The following TBCK variants were observed in gnomAD, a reference collection of about 807,000 sequenced individuals.
The protein encoded by TBCK is TBC1 domain containing kinase.
Under a neutral mutation model 113.4 loss-of-function variants are expected in TBCK, and 99 were observed. That is an observed-to-expected ratio of 0.87 (90% CI 0.74 to 1.03). TBCK has a LOEUF of 1.03. Ranked by LOEUF, TBCK falls within the 50% of genes least tolerant of loss-of-function variation. TBCK has a pLI of 0.00. For synonymous variants in TBCK, 369 were observed against 370.8 expected, an observed-to-expected ratio of 1.00 and a Z score of 0.05; for missense variants, 1,045 against 1,061.3, an observed-to-expected ratio of 0.98 and a Z score of 0.21.
At chr4:106,304,049 G>A (rs545285882) in intron 2 of TBCK, among the ~76,000 whole-genome samples, 1 of 152,212 alleles carries the variant, frequency 6.6e-6, no homozygotes, top group Admixed American at 6.5e-5. Flanking sequence ...TCCTCCCACA[G>A]CTTACTGAAT....
intron 20 of TBCK, among the ~76,000 whole-genome samples, chr4:106,196,666 G>A (rs540316065): frequency 6.6e-6 from 1 of 152,022 alleles, no homozygotes; most frequent in East Asian, 1.9e-4. Flanking sequence ...ATGGAAAAAG[G>A]AAAAAGTACA....
At position 106,194,654 on chromosome 4, in the gene TBCK, G is replaced by A; in HGVS notation, c.1897+64C>T. ...AATGTTATTGTAAATATAAAATATG[G>A]GGAGGCATCGGGCTGTCCTTTTGCT... is the stretch of plus-strand genomic sequence containing the variant. On this transcript the variant is annotated intron_variant, in intron 21 of 25. Coordinates refer to ENST00000394708, the MANE Select transcript of TBCK (RefSeq NM_001163435.3). 4.1e-6 allele frequency: 5 copies of A among 1,206,036 alleles called. No homozygotes were observed. The South Asian group carries it at 6.5e-5, about 16-fold the overall frequency. 74.7% of individuals were successfully genotyped at this position (1,206,036 alleles called of 1,614,324 possible). A position where few individuals can be genotyped will look rare whatever the true frequency, so the allele number is the denominator to read the frequency against.
At chr4:106,237,625 T>C (rs1318492845) in intron 12 of TBCK, 2 of 411,054 alleles carry the variant, frequency 4.9e-6, no homozygotes, top group East Asian at 7.4e-5. Flanking sequence ...CCCATGTGAG[T>C]TATTCCCAGA....
intron 1 of TBCK, among the ~76,000 whole-genome samples, chr4:106,313,309 GGGA>G (rs1033510590): frequency 1.3e-5 from 2 of 151,934 alleles, no homozygotes; most frequent in African/African-American, 4.8e-5. Flanking sequence ...AGGCTGAGGT[GGGA>G]GGATCACGTG....
chr4:106,139,517 C>A (rs1353035379), intron 23 of TBCK, among the ~76,000 whole-genome samples: 6 of 141,418 alleles, frequency 4.2e-5, no homozygotes, highest in Non-Finnish European at 8.0e-5. Context: ...TATTTTAACA[C>A]ACCACAAATC....
chr4:106,117,945 C>T (rs1743747758), intron 23 of TBCK, among the ~76,000 whole-genome samples: 1 of 150,764 alleles, frequency 6.6e-6, no homozygotes, highest in South Asian at 2.1e-4. Flanking sequence ...GGAGGCGGAG[C>T]TTGCAGTGAG....
chr4:106,273,107 G>A (rs905295301), intron 3 of TBCK, among the ~76,000 whole-genome samples: 1 of 152,146 alleles, frequency 6.6e-6, no homozygotes, highest in South Asian at 2.1e-4. Context: ...CAAACTTTGT[G>A]ACTAAATTAA....
chr4:106,070,844 A>C (rs1370507036), intron 25 of TBCK, among the ~76,000 whole-genome samples: 1 of 152,068 alleles, frequency 6.6e-6, no homozygotes, highest in Non-Finnish European at 1.5e-5. Context: ...CTGTTCAGGG[A>C]TTCAAGTTCT....
intron 19 of TBCK, among the ~76,000 whole-genome samples, chr4:106,218,424 G>A (rs1164551845): frequency 2.8e-4 from 42 of 148,158 alleles, no homozygotes; most frequent in African/African-American, 1.0e-3. Flanking sequence ...CCATCAGAGT[G>A]AACAGGCAAC....
chr4:106,234,470 G>T (rs769327243), intron 15 of TBCK, among the ~76,000 whole-genome samples: 1 of 151,994 alleles, frequency 6.6e-6, no homozygotes, highest in African/African-American at 2.4e-5. Context: ...TAGAGTCAGG[G>T]TCTAGTTCTA....
chr4:106,087,558 C>T (rs542035355), intron 25 of TBCK, among the ~76,000 whole-genome samples: 1 of 152,314 alleles, frequency 6.6e-6, no homozygotes, highest in South Asian at 2.1e-4. Context: ...CAGTGACATT[C>T]TTCACAGAAT....
intron 20 of TBCK, among the ~76,000 whole-genome samples, chr4:106,203,630 A>G (rs1392543777): frequency 2.0e-5 from 3 of 151,976 alleles, no homozygotes; most frequent in African/African-American, 7.2e-5. Flanking sequence ...ATATTGAACA[A>G]AAGAACTATA....
intron 22 of TBCK, among the ~76,000 whole-genome samples, chr4:106,187,799 T>C (rs1753195521): frequency 6.6e-6 from 1 of 152,204 alleles, no homozygotes; most frequent in South Asian, 2.1e-4. Context: ...TTAAGTAATG[T>C]ATTTTTTTAT....
intron 14 of TBCK, 118 bp downstream of exon 14, chr4:106,236,268 GAACA>G: frequency 1.5e-6 from 1 of 668,390 alleles, no homozygotes; most frequent in Non-Finnish European, 2.1e-6. Context: ...AAAGCTAACT[GAACA>G]AGATAGGTCA....
At chr4:106,221,928 A>G (rs1194355919) in intron 19 of TBCK, among the ~76,000 whole-genome samples, 1 of 152,116 alleles carries the variant, frequency 6.6e-6, no homozygotes, top group Non-Finnish European at 1.5e-5. Flanking sequence ...TGCAATTTAC[A>G]TATATAACAA....
At chr4:106,172,321 T>A (rs1427793736) in intron 22 of TBCK, among the ~76,000 whole-genome samples, 1 of 152,146 alleles carries the variant, frequency 6.6e-6, no homozygotes, top group Non-Finnish European at 1.5e-5. Flanking sequence ...GAAAGGTTAC[T>A]ACAACTCTAT....
At chr4:106,103,953 A>C (rs1279006867) in intron 24 of TBCK, among the ~76,000 whole-genome samples, 1 of 152,210 alleles carries the variant, frequency 6.6e-6, no homozygotes, top group African/African-American at 2.4e-5. Context: ...GAACGGCCCC[A>C]GAAAAACACA....
intron 20 of TBCK, among the ~76,000 whole-genome samples, chr4:106,206,911 G>C (rs1755566182): frequency 6.6e-6 from 1 of 152,070 alleles, no homozygotes; most frequent in East Asian, 1.9e-4. Context: ...GGTTGAAAAG[G>C]CACATATAGT....
intron 15 of TBCK, among the ~76,000 whole-genome samples, chr4:106,234,242 C>T (rs922594222): frequency 2.6e-5 from 4 of 152,054 alleles, no homozygotes; most frequent in Non-Finnish European, 5.9e-5. Flanking sequence ...AGTTGGACAA[C>T]CTGATACCTG....
Sources: gnomAD v4.1 joint callset for allele counts (sites outside exome capture counted in the v4.1 genomes callset) on GRCh38, gnomAD v4.1.1 for gene constraint, MANE v1.5 for transcripts, NCBI Gene and HGNC (gene_info 2026-07-23, HGNC 2026-07-21) for gene names.